IPO8: variants seen among roughly 807,000 people sequenced by gnomAD.
IPO8 encodes the protein importin 8, also known as importin-8.
A neutral mutation model predicts 141.2 loss-of-function variants in IPO8; 65 were observed. That is an observed-to-expected ratio of 0.46 (90% confidence interval 0.38 to 0.57). The LOEUF is 0.57. IPO8 is among the 20% of genes least tolerant of loss of function. The pLI, the probability that IPO8 is intolerant of heterozygous loss-of-function variation, is 0.00. For synonymous variants in IPO8, 411 were observed against 420.3 expected (o/e 0.98, Z 0.27); for missense variants, 980 against 1,246.8 (o/e 0.79, Z 3.22).
chr12:30,650,396 C>G (rs1254413667), intron 19 of IPO8, among the ~76,000 whole-genome samples: 2 of 151,958 alleles, frequency 1.3e-5, no homozygotes, highest in Non-Finnish European at 2.9e-5. Context: ...ATTTTGGAAG[C>G]TGGAAAATAG....
chr12:30,680,447 G>A (rs1565509006), intron 5 of IPO8, 35 bp downstream of exon 5: 1 of 1,555,038 alleles, frequency 6.4e-7, no homozygotes. Context: ...CAGAAATACA[G>A]GACTCCATGT....
At chr12:30,646,638 T>C (rs1169267216) in intron 20 of IPO8, among the ~76,000 whole-genome samples, 1 of 152,036 alleles carries the variant, frequency 6.6e-6, no homozygotes, top group Non-Finnish European at 1.5e-5. Flanking sequence ...TTCAGCAAGG[T>C]TGCAGGATAC....
chr12:30,659,781 G>A lies in IPO8; in HGVS notation c.1881+1360C>T, dbSNP rs1330193391. Among the ~76,000 whole-genome samples the A allele has an allele frequency of 2.0e-5, 3 of 151,066 alleles. No homozygotes were observed. The East Asian group carries it at 5.9e-4, about 29-fold the overall frequency. ...GAGGCAGGAGAATGGCGTGAATCCA[G>A]GAGACGGAGCTTGCAGTGAGCAGAA... On this transcript the variant is annotated intron_variant, in intron 16 of 24. Transcript: ENST00000256079.
intron 21 of IPO8, 31 bp downstream of exon 21, chr12:30,639,484 A>G: frequency 6.9e-7 from 1 of 1,445,672 alleles, no homozygotes; most frequent in Non-Finnish European, 9.7e-7. Flanking sequence ...CCAGAAACAG[A>G]AAAGCAGTGT....
chr12:30,644,640 GT>G (rs796136798), intron 20 of IPO8, among the ~76,000 whole-genome samples: 1,333 of 89,558 alleles, frequency 0.015, 14 homozygotes, highest in African/African-American at 0.067. Context: ...GCTTTTTGGT[GT>G]TTTTTTTTTT....
chr12:30,677,107 A>G, intron 5 of IPO8: 4 of 1,492,978 alleles, frequency 2.7e-6, no homozygotes, highest in Non-Finnish European at 3.6e-6. Context: ...AGTACAAAAC[A>G]TGCTACATGC....
intron 6 of IPO8, among the ~76,000 whole-genome samples, chr12:30,675,843 C>CAA (rs753913602): frequency 3.8e-4 from 27 of 71,136 alleles, no homozygotes; most frequent in Middle Eastern, 9.1e-3. Context: ...GACTCTGTCT[C>CAA]AAAAAAAAAA....
At chr12:30,677,223 G>A in intron 5 of IPO8, 4 of 525,518 alleles carry the variant, frequency 7.6e-6, no homozygotes, top group Non-Finnish European at 1.4e-5. Context: ...TTCGGTCAGT[G>A]ACAGACTGCA....
Position 30,695,467 on chromosome 12 carries a change from T to G in IPO8, c.84+97A>C. 5 of 1,055,284 alleles carry G rather than the reference T, an allele frequency of 4.7e-6. No individual in the cohort carries two copies. Among genetic ancestry groups the G allele is most frequent in the Non-Finnish European group, 5.7e-6 (4 of 696,244 alleles). The allele number at this position is 1,055,284 out of a possible 1,614,324, so 65.4% of individuals were successfully genotyped here. Reference sequence around the variant, plus strand: ...CCGTGAGGCGTCAGCCCCAGCCCGGTGGGGGTGAGGACGAGGGGCGCCGGG... The same window carrying G: ...CCGTGAGGCGTCAGCCCCAGCCCGGGGGGGGTGAGGACGAGGGGCGCCGGG... On this transcript the variant is annotated intron_variant, in intron 1 of 24. Transcript: ENST00000256079. The surrounding 1 kb of genome is among the most constrained non-coding windows in gnomAD (Gnocchi z 4.2).
At chr12:30,663,420 G>A in intron 14 of IPO8, 69 bp downstream of exon 14, 2 of 1,305,972 alleles carry the variant, frequency 1.5e-6, no homozygotes, top group Non-Finnish European at 2.1e-6. Context: ...ACATGGAGAT[G>A]CATCTTCATT....
At position 30,690,479 on chromosome 12, in the gene IPO8, AT is replaced by A; in HGVS notation, c.166+16del. On this transcript the variant is annotated intron_variant, in intron 2 of 24. Coordinates refer to ENST00000256079, the MANE Select transcript of IPO8 (RefSeq NM_006390.4). The stretch of plus-strand genomic sequence containing the variant: ...TCACCTATAAATAAATTTATAAAGG[AT>A]AAAAAACCAACTCACCTGCCTGTCG... 2 of 1,471,646 alleles carry A rather than the reference AT, an allele frequency of 1.4e-6. No individual in the cohort carries two copies. The highest frequency in any genetic ancestry group is 1.9e-6 in the Non-Finnish European group (2 of 1,066,350). 91.2% of individuals were successfully genotyped at this position (1,471,646 alleles called of 1,614,324 possible).
At position 30,669,288 on chromosome 12, in the gene IPO8, A is replaced by C. The variant is rs779690513; in HGVS notation, c.1045-6T>G. ...ATCACATCTTCAGAGATATTCTAAA[A>C]TGAGAAAAAAAAAAAAACGTAACAA... On this transcript the variant is annotated splice_polypyrimidine_tract_variant and splice_region_variant and intron_variant, in intron 9 of 24. Coordinates refer to ENST00000256079, the MANE Select transcript of IPO8 (RefSeq NM_006390.4). The C allele has an allele frequency of 7.2e-7, 1 of 1,390,938 alleles. No homozygotes were observed. The highest frequency in any genetic ancestry group is 1.0e-6 in the Non-Finnish European group (1 of 1,004,562). 86.2% of individuals were successfully genotyped at this position (1,390,938 alleles called of 1,614,324 possible).
chr12:30,680,398 T>C, intron 5 of IPO8, 84 bp downstream of exon 5: 1 of 1,027,416 alleles, frequency 9.7e-7, no homozygotes, highest in Non-Finnish European at 1.4e-6. Flanking sequence ...TAATTTTTAA[T>C]AATAAGTGAC....
In IPO8 at chr12:30,663,637, A is replaced by G. The variant is rs1426749395; in HGVS notation, c.1446T>C (p.His482=). The change falls in exon 14 of 25, where the codon CAT becomes CAC. Residue 482 remains histidine, a synonymous_variant. Transcript: ENST00000256079. ...TATGGAACTTCAAAGAACTAAATGCATGAAGTACCCAGCAAGACTGTATTA... is the reference window on the plus strand; with the variant it reads ...TATGGAACTTCAAAGAACTAAATGCGTGAAGTACCCAGCAAGACTGTATTA... ...YLRARSCWVL[H]AFSSLKFHNE... is the part of the protein sequence containing the mutation. The G allele has an allele frequency of 6.2e-7, 1 of 1,610,486 alleles. No individual in the cohort carries two copies. The highest frequency in any genetic ancestry group is 2.2e-5 in the East Asian group (1 of 44,852).
In IPO8 at chr12:30,629,767, T is replaced by A. The variant is rs1278384190; in HGVS notation, c.*1093A>T. 2.6e-5 allele frequency: 4 copies of A among 152,148 alleles called. No homozygotes were observed. Among genetic ancestry groups the A allele is most frequent in the Non-Finnish European group, 5.9e-5 (4 of 68,022 alleles). 9.4% of individuals were successfully genotyped at this position (152,148 alleles called of 1,614,324 possible). ...AAAAGTTTGAGAAGTCAAACTGAGCTATAATAAAGACACAAACAAATTAGG... is the reference window on the plus strand; with the variant it reads ...AAAAGTTTGAGAAGTCAAACTGAGCAATAATAAAGACACAAACAAATTAGG... On this transcript the variant is annotated 3_prime_UTR_variant, in exon 25 of 25. Transcript: ENST00000256079.
At chr12:30,649,302 A>T in intron 19 of IPO8, 70 bp from the exon 20 acceptor site, 1 of 1,032,124 alleles carries the variant, frequency 9.7e-7, no homozygotes, top group Non-Finnish European at 1.4e-6. Flanking sequence ...CACATGCACA[A>T]ATGTCCCATA....
intron 19 of IPO8, among the ~76,000 whole-genome samples, chr12:30,650,401 A>G (rs2052709740): frequency 1.3e-5 from 2 of 152,130 alleles, no homozygotes; most frequent in East Asian, 3.8e-4. Flanking sequence ...GGAAGCTGGA[A>G]AATAGTGAGC....
In IPO8 at chr12:30,674,084, CA is replaced by C; in HGVS notation, c.825-11del. ...TCCTGGGCTTCCATATCTTAAAATA[CA>C]AAGAGAAAATGTACAAATACCGTGA... On this transcript the variant is annotated splice_polypyrimidine_tract_variant and intron_variant, in intron 7 of 24. Coordinates refer to ENST00000256079, the MANE Select transcript of IPO8 (RefSeq NM_006390.4). 6.6e-7 allele frequency: 1 copy of C among 1,504,610 alleles called. No homozygotes were observed. Among genetic ancestry groups the C allele is most frequent in the Non-Finnish European group, 9.2e-7 (1 of 1,089,248 alleles). The allele number at this position is 1,504,610 out of a possible 1,614,324, so 93.2% of individuals were successfully genotyped here. A position where few individuals can be genotyped will look rare whatever the true frequency, so the allele number is the denominator to read the frequency against.
chr12:30,641,477 A>G (rs2052573102), intron 20 of IPO8, among the ~76,000 whole-genome samples: 1 of 148,188 alleles, frequency 6.7e-6, no homozygotes, highest in Admixed American at 6.7e-5. Context: ...TCCGTTACCA[A>G]AAAATTAAGC....
Sources: gnomAD v4.1 joint callset for allele counts (sites outside exome capture counted in the v4.1 genomes callset) on GRCh38, gnomAD v4.1.1 for gene constraint, Gnocchi (gnomAD v3.1) non-coding constraint, MANE v1.5 for transcripts, NCBI Gene and HGNC (gene_info 2026-07-23, HGNC 2026-07-21) for gene names.